The following AP2A1 variants were observed in gnomAD, a reference collection of about 807,000 sequenced individuals.
The protein encoded by AP2A1 is adaptor related protein complex 2 subunit alpha 1.
In AP2A1, 21 loss-of-function variants were observed where a neutral mutation model predicts 107.3. The observed-to-expected ratio is 0.20, with a 90% confidence interval of 0.14 to 0.28. The LOEUF is 0.28. Among genes scored for constraint, AP2A1 ranks in the 10% least tolerant of loss-of-function variants. AP2A1 has a pLI of 1.00. For synonymous variants in AP2A1, 602 were observed against 564.8 expected, an observed-to-expected ratio of 1.07 and a Z score of -0.93; for missense variants, 873 against 1,307.7, an observed-to-expected ratio of 0.67 and a Z score of 5.13.
rs756970891 is a variant in AP2A1, at chr19:49,798,959, G to A, written c.965+7G>A. ...TCATCATCCACTATGACAGGTGCCCGCCTGGGCCTATCAGGGCCTGATGCC... is the reference window on the plus strand; with the variant it reads ...TCATCATCCACTATGACAGGTGCCCACCTGGGCCTATCAGGGCCTGATGCC... On this transcript the variant is annotated splice_region_variant and intron_variant, in intron 8 of 22. Transcript: ENST00000354293. 30 of 1,551,912 alleles carry A rather than the reference G, an allele frequency of 1.9e-5. No homozygotes were observed. Among genetic ancestry groups the A allele is most frequent in the East Asian group, 9.8e-5 (4 of 40,930 alleles).
rs1229774472 is a variant in AP2A1, at chr19:49,795,686, A to G, written c.762A>G (p.Ala254=). The part of the protein sequence containing the change: ...LQDYTYYFVP[A]PWLSVKLLRL... ...ACTACACCTACTACTTCGTCCCAGC[A>G]CCCTGGCTCTCGGTGAAGCTCCTGC... The change falls in exon 7 of 23, where the codon GCA becomes GCG. Residue 254 remains alanine, a synonymous_variant. Coordinates refer to ENST00000354293, the MANE Select transcript of AP2A1 (RefSeq NM_130787.3). 1.6e-5 allele frequency: 24 copies of G among 1,540,132 alleles called. No homozygotes were observed. The highest frequency in any genetic ancestry group is 2.0e-5 in the Non-Finnish European group (23 of 1,145,216).
intron 1 of AP2A1, among the ~76,000 whole-genome samples, chr19:49,772,669 G>A (rs1474491367): frequency 1.3e-5 from 2 of 151,098 alleles, no homozygotes; most frequent in Non-Finnish European, 3.0e-5. Context: ...CTAATTTTTT[G>A]TATTTTTTTT....
At chr19:49,800,537 C>T (rs1018950182) in intron 11 of AP2A1, among the ~76,000 whole-genome samples, 18 of 152,286 alleles carry the variant, frequency 1.2e-4, no homozygotes, top group South Asian at 4.1e-4. Flanking sequence ...GGTGCGATCT[C>T]GGCTCACTGC....
chr19:49,793,136 T>C (rs2073167950), intron 6 of AP2A1, 44 bp downstream of exon 6: 1 of 1,523,616 alleles, frequency 6.6e-7, no homozygotes, highest in Admixed American at 1.9e-5. Flanking sequence ...GGCCCTGGCA[T>C]CCCTATGCCC....
chr19:49,807,081 T>C lies in AP2A1; in HGVS notation c.*323T>C, dbSNP rs2073421290. On this transcript the variant is annotated 3_prime_UTR_variant, in exon 23 of 23. Coordinates refer to ENST00000354293, the MANE Select transcript of AP2A1 (RefSeq NM_130787.3). The stretch of plus-strand genomic sequence containing the variant: ...CCCCTCCCCATCCAGGGGCTGTGTA[T>C]TATTGTGAGCGAATAAACAGAGAGA... The C allele has an allele frequency of 4.4e-6, 7 of 1,576,430 alleles. No homozygotes were observed. Among genetic ancestry groups the C allele is most frequent in the Non-Finnish European group, 5.2e-6 (6 of 1,162,158 alleles).
chr19:49,789,590 C>CTTT (rs34385512), intron 4 of AP2A1, among the ~76,000 whole-genome samples: 1 of 107,650 alleles, frequency 9.3e-6, no homozygotes, highest in Admixed American at 9.6e-5. Context: ...TGCGCCTGGC[C>CTTT]TTTTTTTTTT....
intron 14 of AP2A1, 23 bp downstream of exon 14, chr19:49,801,912 T>C: frequency 6.8e-7 from 1 of 1,462,192 alleles, no homozygotes; most frequent in Non-Finnish European, 9.0e-7. Flanking sequence ...GGGTGGGCCC[T>C]GCCAGGGTGC....
intron 1 of AP2A1, 60 bp downstream of exon 1, chr19:49,767,260 G>T: frequency 6.3e-7 from 1 of 1,592,778 alleles, no homozygotes; most frequent in Non-Finnish European, 8.6e-7. Context: ...GAAATTGAGG[G>T]GTTTGGGGAT....
At position 49,791,925 on chromosome 19, in the gene AP2A1, G is replaced by A; in HGVS notation, c.474-10G>A. ...CTCTGCTTCCCCTGCCCTGCATGGT[G>A]TCCCCACAGGGACAGCATGGACAGT... On this transcript the variant is annotated splice_polypyrimidine_tract_variant and intron_variant, in intron 4 of 22. Transcript: ENST00000354293. 1 of 1,602,798 alleles carries A rather than the reference G, an allele frequency of 6.2e-7. No individual in the cohort carries two copies.
intron 6 of AP2A1, among the ~76,000 whole-genome samples, chr19:49,794,842 T>C (rs1401573449): frequency 2.0e-5 from 3 of 152,144 alleles, no homozygotes; most frequent in African/African-American, 7.2e-5. Flanking sequence ...TTTGTATTTT[T>C]AGTAGAGATG....
chr19:49,789,590 CTTT>C (rs34385512), intron 4 of AP2A1, among the ~76,000 whole-genome samples: 9 of 107,632 alleles, frequency 8.4e-5, no homozygotes, highest in African/African-American at 1.5e-4. Context: ...TGCGCCTGGC[CTTT>C]TTTTTTTTTT....
At chr19:49,793,475 G>T (rs568742528) in intron 6 of AP2A1, among the ~76,000 whole-genome samples, 4 of 151,928 alleles carry the variant, frequency 2.6e-5, no homozygotes, top group Non-Finnish European at 4.4e-5. Context: ...TTTGCCTCCC[G>T]CCTCTCTCTT....
intron 6 of AP2A1, among the ~76,000 whole-genome samples, chr19:49,795,005 A>T (rs1175547068): frequency 6.6e-6 from 1 of 151,988 alleles, no homozygotes; most frequent in African/African-American, 2.4e-5. Flanking sequence ...TCTTCCCCGA[A>T]CCTCTTCCTA....
Position 49,787,329 on chromosome 19 carries a change from TTTTTGTTTGTTTTTTTTGTTTTTTG to T in AP2A1, c.474-4601_474-4577del, listed in dbSNP as rs1183052753. 7.2e-3 allele frequency among the ~76,000 whole-genome samples: 911 copies of T among 127,160 alleles called. 61 individuals are homozygous for T. The highest frequency in any genetic ancestry group is 0.028 in the African/African-American group (866 of 30,706). The allele number at this position is 127,160 out of a possible 152,430, so 83.4% of individuals were successfully genotyped here. ...TGAGCCACCACTCCCATCTAGGCTTTTTTTGTTTGTTTTTTTTGTTTTTTGTTTTTTTTTTTTTGAGGCAGTCTCT... is the reference window on the plus strand; with the variant it reads ...TGAGCCACCACTCCCATCTAGGCTTTTTTTTTTTTTTTTGAGGCAGTCTCT... On this transcript the variant is annotated intron_variant, in intron 4 of 22. Transcript: ENST00000354293.
chr19:49,771,304 A>AAG (rs1491256181), intron 1 of AP2A1, among the ~76,000 whole-genome samples: 1 of 101,326 alleles, frequency 9.9e-6, no homozygotes, highest in Non-Finnish European at 2.0e-5. Flanking sequence ...CTCATCTCTT[A>AAG]AAAAAAAAAA....
chr19:49,777,990 CTAGT>C (rs895866948), intron 1 of AP2A1, among the ~76,000 whole-genome samples: 30 of 151,712 alleles, frequency 2.0e-4, no homozygotes, highest in East Asian at 7.7e-4. Flanking sequence ...TAAATGAATA[CTAGT>C]TAAAGAAATA....
chr19:49,803,164 C>A lies in AP2A1; in HGVS notation c.2229C>A (p.Val743=). 1 of 1,613,962 alleles carries A rather than the reference C, an allele frequency of 6.2e-7. No homozygotes were observed. Among genetic ancestry groups the A allele is most frequent in the Non-Finnish European group, 8.5e-7 (1 of 1,179,906 alleles). ...AGAACCAGCTGCTGCAGATCGGAGTCAAGTCAGAGTTCCGACAGAACCTGG... is the reference window on the plus strand; with the variant it reads ...AGAACCAGCTGCTGCAGATCGGAGTAAAGTCAGAGTTCCGACAGAACCTGG... ...LFENQLLQIG[V]KSEFRQNLGR... The change falls in exon 17 of 23, where the codon GTC becomes GTA. Residue 743 remains valine (V), a synonymous_variant. Transcript: ENST00000354293.
intron 3 of AP2A1, 90 bp downstream of exon 3, chr19:49,782,179 AG>A (rs1446695829): frequency 2.1e-4 from 15 of 72,664 alleles, no homozygotes; most frequent in Non-Finnish European, 1.4e-4. Context: ...CTGGGGGAGG[AG>A]GGGGTCTAGG....
At chr19:49,803,614 G>A in intron 18 of AP2A1, 1 of 550,478 alleles carries the variant, frequency 1.8e-6, no homozygotes, top group East Asian at 3.2e-5. Context: ...CCTGCTCCAG[G>A]CCTCATTTTG....
Sources: gnomAD v4.1 joint callset for allele counts (sites outside exome capture counted in the v4.1 genomes callset) on GRCh38, gnomAD v4.1.1 for gene constraint, MANE v1.5 for transcripts, NCBI Gene and HGNC (gene_info 2026-07-23, HGNC 2026-07-21) for gene names.